Variants in CALHM4 observed in about 807,000 individuals in gnomAD.
CALHM4 encodes the protein calcium homeostasis modulator protein 4.
Under a neutral mutation model 13.3 loss-of-function variants are expected in CALHM4, and 16 were observed. The observed-to-expected ratio is 1.20, with a 90% CI of 0.81 to 1.82. The LOEUF (loss-of-function observed/expected upper bound fraction) is 1.82. Among genes scored for constraint, CALHM4 ranks in the 40% most tolerant of loss-of-function variants. The pLI is 0.00. For missense variants in CALHM4, 344 were observed against 374.9 expected, an observed-to-expected ratio of 0.92 and a Z score of 0.68; for synonymous variants, 127 against 137.1, an observed-to-expected ratio of 0.93 and a Z score of 0.52.
In CALHM4 at chr6:116,557,896, C is replaced by T; in HGVS notation, c.630C>T (p.Cys210=). Residue 210 remains cysteine, a synonymous_variant, in exon 2 of 2, where the codon TGC becomes TGT. Coordinates refer to ENST00000368596, the MANE Select transcript of CALHM4 (RefSeq NM_001366078.2). ...TCTCCTGCTGTGTGGCAAAGTGCTG[C>T]TCTCCCCTCACCTCTCTGCAACATT... ...ALVSCCVAKC[C]SPLTSLQHCY... is the part of the protein sequence containing the mutation. 1 of 1,614,006 alleles carries T rather than the reference C, an allele frequency of 6.2e-7. No homozygotes were observed. Among genetic ancestry groups the T allele is most frequent in the East Asian group, 2.2e-5 (1 of 44,898 alleles).
rs76814612 is a variant in CALHM4, at chr6:116,544,304, A to G, written c.-1+432A>G. The stretch of plus-strand genomic sequence containing the variant: ...TTGTGTCCCTTTATAATTAAGGCCA[A>G]ACTGAAATAGTGGAATTTCTTCTCT... On this transcript the variant is annotated intron_variant, in intron 2 of 2. Transcript: ENST00000368597. 2.2e-3 allele frequency among the ~76,000 whole-genome samples: 339 copies of G among 152,210 alleles called. 1 individual carries two copies. The highest frequency in any genetic ancestry group is 4.3e-3 in the Non-Finnish European group (293 of 67,956).
intron 2 of CALHM4, among the ~76,000 whole-genome samples, chr6:116,547,947 G>A (rs534702680): frequency 3.3e-5 from 5 of 152,286 alleles, no homozygotes; most frequent in East Asian, 3.9e-4. Context: ...GGGAATACAT[G>A]GGCAGCAGAG....
intron 1 of CALHM4, chr6:116,540,488 C>G: frequency 1.3e-6 from 2 of 1,544,430 alleles, no homozygotes; most frequent in Non-Finnish European, 1.7e-6. Flanking sequence ...AGAGTGTGGT[C>G]TGAAAATTCT....
chr6:116,540,707 A>G (rs1329575229), intron 1 of CALHM4, among the ~76,000 whole-genome samples: 2 of 152,150 alleles, frequency 1.3e-5, no homozygotes, highest in East Asian at 3.9e-4. Context: ...CCTAGAATCA[A>G]GACTTGCCCA....
chr6:116,538,572 TC>T (rs1562352330), intron 1 of CALHM4, among the ~76,000 whole-genome samples: 1 of 152,320 alleles, frequency 6.6e-6, no homozygotes, highest in East Asian at 1.9e-4. Flanking sequence ...GAATGAAGTC[TC>T]CAAATTGCCC....
chr6:116,545,675 G>T, intron 2 of CALHM4: 1 of 491,492 alleles, frequency 2.0e-6, no homozygotes, highest in Non-Finnish European at 3.5e-6. Flanking sequence ...TCTTTGCTGA[G>T]CTGAAGAGGG....
At chr6:116,542,586 T>C (rs1773530875) in intron 1 of CALHM4, among the ~76,000 whole-genome samples, 2 of 152,064 alleles carry the variant, frequency 1.3e-5, no homozygotes, top group Admixed American at 1.3e-4. Flanking sequence ...TCAAAAACCA[T>C]TGACAGATGT....
chr6:116,530,837 AAAAC>A (rs1289549635), intron 1 of CALHM4, among the ~76,000 whole-genome samples: 1 of 149,862 alleles, frequency 6.7e-6, no homozygotes, highest in Admixed American at 6.6e-5. Context: ...GAAACAAAGA[AAAAC>A]AAACACCAGC....
intron 2 of CALHM4, among the ~76,000 whole-genome samples, chr6:116,544,244 A>G (rs1773639327): frequency 6.6e-6 from 1 of 151,808 alleles, no homozygotes; most frequent in African/African-American, 2.4e-5. Context: ...AAAGTAGAAA[A>G]AATCATACCC....
At chr6:116,556,338 T>C (rs538830605) in intron 1 of CALHM4, among the ~76,000 whole-genome samples, 1 of 152,300 alleles carries the variant, frequency 6.6e-6, no homozygotes, top group East Asian at 1.9e-4. Context: ...ATAGAGAAAA[T>C]GAATGCATCT....
chr6:116,530,642 T>C (rs1772641377), intron 1 of CALHM4, among the ~76,000 whole-genome samples: 1 of 152,146 alleles, frequency 6.6e-6, no homozygotes, highest in Admixed American at 6.5e-5. Flanking sequence ...ATATTTACTT[T>C]GCATTAACAA....
intron 2 of CALHM4, among the ~76,000 whole-genome samples, chr6:116,546,770 T>C (rs1773806132): frequency 6.6e-6 from 1 of 152,194 alleles, no homozygotes; most frequent in African/African-American, 2.4e-5. Flanking sequence ...TTCTTGTGGT[T>C]GGATAAATTG....
intron 1 of CALHM4, among the ~76,000 whole-genome samples, chr6:116,555,993 A>G (rs955838520): frequency 1.3e-5 from 2 of 152,236 alleles, no homozygotes; most frequent in African/African-American, 4.8e-5. Context: ...TTCTTGGCAT[A>G]ACATGCAAGG....
At chr6:116,530,216 A>AC (rs990967989) in intron 1 of CALHM4, among the ~76,000 whole-genome samples, 11 of 151,466 alleles carry the variant, frequency 7.3e-5, no homozygotes, top group Non-Finnish European at 1.0e-4. Context: ...GGAACAAACC[A>AC]CCCCCCCTCC....
intron 1 of CALHM4, among the ~76,000 whole-genome samples, chr6:116,530,582 G>A (rs902578578): frequency 6.6e-6 from 1 of 152,060 alleles, no homozygotes; most frequent in Non-Finnish European, 1.5e-5. Flanking sequence ...GCGTTCCTCT[G>A]AGCTCACTGT....
Position 116,560,002 on chromosome 6 carries a change from A to T in CALHM4, c.*1791A>T, listed in dbSNP as rs551122960. On this transcript the variant is annotated 3_prime_UTR_variant, in exon 2 of 2. Coordinates refer to ENST00000368596, the MANE Select transcript of CALHM4 (RefSeq NM_001366078.2). ...TCTACTAACTCTACACTCAGTACTG[A>T]TATGACATTACATGAAGGATGTTAA... is the stretch of plus-strand genomic sequence containing the variant. 9.1e-4 allele frequency among the ~76,000 whole-genome samples: 138 copies of T among 152,298 alleles called. No individual in the cohort carries two copies. The highest frequency in any genetic ancestry group is 3.2e-3 in the African/African-American group (135 of 41,580).
At chr6:116,549,980 TTA>T (rs10544532), upstream of CALHM4, among the ~76,000 whole-genome samples, 189 of 81,916 alleles carry the variant, frequency 2.3e-3, no homozygotes, top group Middle Eastern at 5.4e-3. Flanking sequence ...CCATCTTAAA[TTA>T]TATATATATA....
At chr6:116,530,041 T>C (rs1583278675) in intron 1 of CALHM4, among the ~76,000 whole-genome samples, 1 of 152,302 alleles carries the variant, frequency 6.6e-6, no homozygotes, top group East Asian at 1.9e-4. Context: ...ATTCAAGTGT[T>C]GTGCATCATA....
chr6:116,544,734 G>A (rs560118473), intron 2 of CALHM4, among the ~76,000 whole-genome samples: 185 of 152,136 alleles, frequency 1.2e-3, no homozygotes, highest in Non-Finnish European at 2.1e-3. Flanking sequence ...GCCAGAGGAG[G>A]TATCTGCAGG....
Sources: gnomAD v4.1 joint callset for allele counts (sites outside exome capture counted in the v4.1 genomes callset) on GRCh38, gnomAD v4.1.1 for gene constraint, MANE v1.5 for transcripts, NCBI Gene and HGNC (gene_info 2026-07-23, HGNC 2026-07-21) for gene names.